Variants in DOT1L observed in about 807,000 individuals in gnomAD.
DOT1L encodes the protein DOT1 like histone lysine methyltransferase, also known as histone-lysine N-methyltransferase, H3 lysine-79 specific.
Under a neutral mutation model 153.3 loss-of-function variants are expected in DOT1L, and 33 were observed. The ratio of observed to expected loss-of-function variants is 0.22; its 90% CI spans 0.16 to 0.29. DOT1L has a LOEUF of 0.29. DOT1L is among the 10% of genes least tolerant of loss of function. DOT1L has a pLI of 1.00. For missense variants in DOT1L, 1,847 were observed against 2,119.9 expected (o/e 0.87, Z 2.53); for synonymous variants, 1,135 against 965.1 (o/e 1.18, Z -3.26).
intron 1 of DOT1L, among the ~76,000 whole-genome samples, chr19:2,168,358 G>A (rs946034612): frequency 6.6e-6 from 1 of 152,192 alleles, no homozygotes; most frequent in Non-Finnish European, 1.5e-5. Context: ...GTTCAGCAGA[G>A]ATACTGTGCT....
rs921908172 is a variant in DOT1L at position 2,230,183 on chromosome 19, C to T, written c.*391C>T. Reference sequence around the variant, plus strand: ...CGGTGCTATCTCGTCCCCAGGCCCGCGCCTGCCTCCACCCGCTTGGTGCTG... The same window carrying T: ...CGGTGCTATCTCGTCCCCAGGCCCGTGCCTGCCTCCACCCGCTTGGTGCTG... On this transcript the variant is annotated 3_prime_UTR_variant, in exon 28 of 28. Transcript: ENST00000398665. The T allele has an allele frequency of 3.6e-4, 170 of 469,002 alleles. 1 individual carries two copies. The highest frequency in any genetic ancestry group is 4.4e-4 in the East Asian group (13 of 29,428). 29.1% of individuals were successfully genotyped at this position (469,002 alleles called of 1,614,324 possible).
rs2024387090 is a variant in DOT1L at position 2,227,181 on chromosome 19, C to CT, written c.4606+56dup. 3 of 1,581,756 alleles carry CT rather than the reference C, an allele frequency of 1.9e-6. No individual in the cohort carries two copies. The Admixed American group carries it at 5.1e-5, about 27-fold the overall frequency. ...CCGCCCCGGCCCCCGCCGGAGGCCC[C>CT]TTCCTTTGCAGGTTCCCTTCCGCAC... is the stretch of plus-strand genomic sequence containing the variant. On this transcript the variant is annotated intron_variant, in intron 27 of 27. Transcript: ENST00000398665.
Position 2,180,725 on chromosome 19 carries a change from G to C in DOT1L, c.94G>C (p.Asp32His). 6.2e-7 allele frequency: 1 copy of C among 1,614,080 alleles called. No homozygotes were observed. The highest frequency in any genetic ancestry group is 8.5e-7 in the Non-Finnish European group (1 of 1,180,012). Residue 32 changes from aspartate (D) to histidine (H), a missense_variant, in exon 2 of 28, where the codon GAT (aspartate) becomes CAT (histidine). Physicochemically the swap from Asp to His is moderately conservative, Grantham distance 81 (BLOSUM62 -1). This residue lies in a region of DOT1L where 148 missense variants were observed against 422.3 expected (regional missense o/e 0.35). Transcript: ENST00000398665. Reference sequence around the variant, plus strand: ...CTCTCTGTTTCAGGATAAACATCACGATGCTGCTCATGAAATCATCGAGAC... The same window carrying C: ...CTCTCTGTTTCAGGATAAACATCACCATGCTGCTCATGAAATCATCGAGAC... ...WPLPVYDKHH[D>H]AAHEIIETIR...
In DOT1L at chr19:2,193,814, G is replaced by C. The variant is rs2022899005; in HGVS notation, c.588+31G>C. 1 of 1,605,654 alleles carries C rather than the reference G, an allele frequency of 6.2e-7. No individual in the cohort carries two copies. The highest frequency in any genetic ancestry group is 8.5e-7 in the Non-Finnish European group (1 of 1,174,762). ...CGGATCTGAGGGCCAGGGTGTGTTG[G>C]AGGCAGGGGACCATCAGAGAAAGTG... is the stretch of plus-strand genomic sequence containing the variant. On this transcript the variant is annotated intron_variant, in intron 6 of 27. Transcript: ENST00000398665. This position sits in a 1 kb window ranked among gnomAD's most constrained non-coding sequence, Gnocchi z 5.9.
At chr19:2,192,099 A>C (rs775233834) in intron 5 of DOT1L, among the ~76,000 whole-genome samples, 1 of 152,200 alleles carries the variant, frequency 6.6e-6, no homozygotes, top group African/African-American at 2.4e-5. Context: ...CTCGATGGAC[A>C]TGTGAACCTT....
chr19:2,213,528 T>C lies in DOT1L; in HGVS notation c.1558-11T>C, dbSNP rs776312878. 1 of 1,611,764 alleles carries C rather than the reference T, an allele frequency of 6.2e-7. No individual in the cohort carries two copies. Among genetic ancestry groups the C allele is most frequent in the South Asian group, 1.1e-5 (1 of 90,998 alleles). ...CCTGGCCCTTAGTCACCTGCCCTGT[T>C]TGTCCTACAGGAGAAGAACGCCCAG... On this transcript the variant is annotated splice_polypyrimidine_tract_variant and intron_variant, in intron 16 of 27. Coordinates refer to ENST00000398665, the MANE Select transcript of DOT1L (RefSeq NM_032482.3).
rs2023956618 is a variant in DOT1L, at chr19:2,217,692, GCCCCCGTC to G, written c.2545-78_2545-71del. ...GGCCGCCTTGAGAGAGCTGTAGCAG[GCCCCCGTC>G]CTGTGGCTGTGGTCCCTGTGTCCTG... On this transcript the variant is annotated intron_variant, in intron 21 of 27. Transcript: ENST00000398665. This position sits in a 1 kb window ranked among gnomAD's most constrained non-coding sequence, Gnocchi z 7.3. 1 of 1,521,614 alleles carries G rather than the reference GCCCCCGTC, an allele frequency of 6.6e-7. No homozygotes were observed. The highest frequency in any genetic ancestry group is 2.5e-5 in the East Asian group (1 of 40,620). The allele number at this position is 1,521,614 out of a possible 1,614,324, so 94.3% of individuals were successfully genotyped here. A position where few individuals can be genotyped will look rare whatever the true frequency, so the allele number is the denominator to read the frequency against.
chr19:2,202,896 T>A, intron 9 of DOT1L, 117 bp downstream of exon 9: 1 of 937,666 alleles, frequency 1.1e-6, no homozygotes, highest in Non-Finnish European at 1.7e-6. Flanking sequence ...TTCAGTCCCC[T>A]TGGAGCCAGG....
chr19:2,178,811 T>C (rs776763703), intron 1 of DOT1L, among the ~76,000 whole-genome samples: 3 of 152,098 alleles, frequency 2.0e-5, no homozygotes, highest in Non-Finnish European at 4.4e-5. Context: ...GTGATCCACC[T>C]GCCTCAGCTT....
At chr19:2,170,687 A>G (rs1378765545) in intron 1 of DOT1L, among the ~76,000 whole-genome samples, 6 of 152,152 alleles carry the variant, frequency 3.9e-5, no homozygotes. Context: ...CTGTAAATCC[A>G]GGTTCCCGTC....
chr19:2,228,546 AG>A (rs2024467345), intron 27 of DOT1L: 1 of 985,268 alleles, frequency 1.0e-6, no homozygotes, highest in South Asian at 4.7e-5. Flanking sequence ...GAGGGACTAC[AG>A]GACGGGCACC....
At chr19:2,218,363 T>C (rs960273846) in intron 22 of DOT1L, among the ~76,000 whole-genome samples, 1 of 152,238 alleles carries the variant, frequency 6.6e-6, no homozygotes, top group Non-Finnish European at 1.5e-5. Flanking sequence ...TTCAAGTATA[T>C]GCTTCAGTGG....
At position 2,230,494 on chromosome 19, in the gene DOT1L, CTG is replaced by C. The variant is rs1476858616; in HGVS notation, c.*705_*706del. 2 of 398,854 alleles carry C rather than the reference CTG, an allele frequency of 5.0e-6. No homozygotes were observed. Among genetic ancestry groups the C allele is most frequent in the African/African-American group, 4.1e-5 (2 of 48,656 alleles). 24.7% of individuals were successfully genotyped at this position (398,854 alleles called of 1,614,324 possible). ...GCTGGCCATGTGCTGCGCGATGGTG[CTG>C]TGAGGACGGCGCGGGCACGTTGAAC... On this transcript the variant is annotated 3_prime_UTR_variant, in exon 28 of 28. Transcript: ENST00000398665.
chr19:2,209,767 A>G (rs1018951422), intron 12 of DOT1L, among the ~76,000 whole-genome samples: 5 of 152,240 alleles, frequency 3.3e-5, no homozygotes, highest in African/African-American at 9.6e-5. Flanking sequence ...AACCCCGTAC[A>G]GGAAGGGCTC....
chr19:2,228,577 T>G lies in DOT1L; in HGVS notation c.4607-1208T>G, dbSNP rs532531909. On this transcript the variant is annotated intron_variant, in intron 27 of 27. Coordinates refer to ENST00000398665, the MANE Select transcript of DOT1L (RefSeq NM_032482.3). ...GGCACCAGCCATGGAGTGGCCTGAG[T>G]GTGTTGGGTTCCAGCTGCCCGCAGC... is the stretch of plus-strand genomic sequence containing the variant. 112 of 984,350 alleles carry G rather than the reference T, an allele frequency of 1.1e-4. No homozygotes were observed. In the African/African-American group the frequency reaches 1.8e-3, roughly 16 times the overall value. 61.0% of individuals were successfully genotyped at this position (984,350 alleles called of 1,614,324 possible). A position where few individuals can be genotyped will look rare whatever the true frequency, so the allele number is the denominator to read the frequency against.
In DOT1L at chr19:2,216,370, G is replaced by A; in HGVS notation, c.2013G>A (p.Leu671=). ...TGCCGCCTGACGACGCCCTGTCCCTGCACCTGCGTGGGAAGGGCGCCCTGG... is the reference window on the plus strand; with the variant it reads ...TGCCGCCTGACGACGCCCTGTCCCTACACCTGCGTGGGAAGGGCGCCCTGG... ...SCVPPDDALS[L]HLRGKGALGR... Residue 671 remains leucine (L), a synonymous_variant, in exon 20 of 28, where the codon CTG becomes CTA. Transcript: ENST00000398665. 6.2e-7 allele frequency: 1 copy of A among 1,612,258 alleles called. No homozygotes were observed. The highest frequency in any genetic ancestry group is 8.5e-7 in the Non-Finnish European group (1 of 1,179,672).
Position 2,210,659 on chromosome 19 carries a change from C to T in DOT1L, c.1155C>T (p.Thr385=), listed in dbSNP as rs377684358. 4.2e-5 allele frequency: 68 copies of T among 1,612,774 alleles called. No individual in the cohort carries two copies. Among genetic ancestry groups the T allele is most frequent in the South Asian group, 1.4e-4 (13 of 91,086 alleles). ...AGGAAGAGAAGGCGGGAGCAGCCAC[C>T]GTGAAGAAGCCGTCTCCCTCCAAAG... The part of the protein sequence containing the change: ...GAEEEKAGAA[T]VKKPSPSKAR... The change falls in exon 14 of 28, where the codon ACC becomes ACT. Residue 385 remains threonine (T), a synonymous_variant. Transcript: ENST00000398665.
At chr19:2,228,016 C>T (rs1408872241) in intron 27 of DOT1L, 9 of 1,297,914 alleles carry the variant, frequency 6.9e-6, no homozygotes, top group Non-Finnish European at 8.1e-6. Context: ...GCCGCCTTGC[C>T]TCCTCCCCCA....
At position 2,193,397 on chromosome 19, in the gene DOT1L, G is replaced by A. The variant is rs2022881651; in HGVS notation, c.494-292G>A. Reference sequence around the variant, plus strand: ...GGGCAGCCCTGTCTGTCTGAACAGTGAACATCACATAGGGCCCTGAGACTC... The same window carrying A: ...GGGCAGCCCTGTCTGTCTGAACAGTAAACATCACATAGGGCCCTGAGACTC... On this transcript the variant is annotated intron_variant, in intron 5 of 27. Coordinates refer to ENST00000398665, the MANE Select transcript of DOT1L (RefSeq NM_032482.3). This position sits in a 1 kb window ranked among gnomAD's most constrained non-coding sequence, Gnocchi z 5.9. 6.6e-6 allele frequency among the ~76,000 whole-genome samples: 1 copy of A among 152,232 alleles called. No individual in the cohort carries two copies. Among genetic ancestry groups the A allele is most frequent in the African/African-American group, 2.4e-5 (1 of 41,458 alleles).
Sources: allele counts gnomAD v4.1 joint callset (sites outside exome capture counted in the v4.1 genomes callset), GRCh38; gene constraint gnomAD v4.1.1; regional missense constraint gnomAD v4.1.1; non-coding constraint Gnocchi (gnomAD v3.1); transcripts MANE v1.5; gene names NCBI Gene and HGNC (gene_info 2026-07-23, HGNC 2026-07-21).